GRM7: variants seen among roughly 807,000 people sequenced by gnomAD.
GRM7 encodes metabotropic glutamate receptor 7.
GRM7 carries 35 observed loss-of-function variants against 84.5 expected under a neutral mutation model. The observed-to-expected ratio is 0.41, with a 90% confidence interval of 0.32 to 0.55. GRM7 has a LOEUF of 0.55. Among genes scored for constraint, GRM7 ranks in the 20% least tolerant of loss-of-function variants. The pLI, the probability that GRM7 is intolerant of heterozygous loss-of-function variation, is 0.19. For missense variants in GRM7, 1,003 were observed against 1,194.6 expected (o/e 0.84, Z 2.36); for synonymous variants, 487 against 455.1 (o/e 1.07, Z -0.89).
intron 2 of GRM7, among the ~76,000 whole-genome samples, chr3:7,161,437 A>G (rs1018900968): frequency 7.9e-5 from 12 of 151,708 alleles, no homozygotes; most frequent in East Asian, 1.9e-4. Context: ...AAAAAAAAAA[A>G]AGAGAAATGT....
chr3:7,204,336 T>G (rs1696163364), intron 2 of GRM7, among the ~76,000 whole-genome samples: 1 of 152,220 alleles, frequency 6.6e-6, no homozygotes, highest in Non-Finnish European at 1.5e-5. Context: ...AGACATTCTC[T>G]CTTAGGAGCA....
intron 8 of GRM7, among the ~76,000 whole-genome samples, chr3:7,598,469 G>T (rs908352613): frequency 1.3e-5 from 2 of 152,116 alleles, no homozygotes; most frequent in Non-Finnish European, 2.9e-5. Flanking sequence ...ATTCTCCCCA[G>T]CAAAGATACA....
At position 7,261,902 on chromosome 3, in the gene GRM7, C is replaced by CTCCCTCCCTTCCTCCCTTCCT. The variant is rs1553639169; in HGVS notation, c.737-36773_737-36772insTCCTCCCTTCCTTCCCTCCCT. ...CTGTCAGAATTCCCTCCCTCCCTCC[C>CTCCCTCCCTTCCTCCCTTCCT]TCCCTCCCTCCCTTCCTCCCTTCCT... On this transcript the variant is annotated intron_variant, in intron 2 of 9. Coordinates refer to ENST00000357716, the MANE Select transcript of GRM7 (RefSeq NM_000844.4). Among the ~76,000 whole-genome samples the CTCCCTCCCTTCCTCCCTTCCT allele has an allele frequency of 2.1e-3, 178 of 82,896 alleles. No homozygotes were observed. In the Middle Eastern group the frequency reaches 0.025, roughly 11 times the overall value. 54.4% of individuals were successfully genotyped at this position (82,896 alleles called of 152,430 possible).
intron 1 of GRM7, among the ~76,000 whole-genome samples, chr3:6,941,572 A>G (rs1055184262): frequency 6.6e-6 from 1 of 152,210 alleles, no homozygotes; most frequent in African/African-American, 2.4e-5. Context: ...TAATTCCACT[A>G]TTTGAAGGAT....
intron 7 of GRM7, among the ~76,000 whole-genome samples, chr3:7,527,336 G>A (rs1032478455): frequency 5.9e-5 from 9 of 151,804 alleles, no homozygotes; most frequent in Non-Finnish European, 1.3e-4. Context: ...GAATGTTATT[G>A]GTGTATAGAA....
At chr3:7,043,263 T>G (rs1329209766) in intron 1 of GRM7, among the ~76,000 whole-genome samples, 3 of 152,184 alleles carry the variant, frequency 2.0e-5, no homozygotes, top group Non-Finnish European at 4.4e-5. Flanking sequence ...ATGAAAATCT[T>G]CAGAGTTCTC....
chr3:6,869,339 G>T (rs1426959091), intron 1 of GRM7, among the ~76,000 whole-genome samples: 1 of 152,106 alleles, frequency 6.6e-6, no homozygotes, highest in African/African-American at 2.4e-5. Flanking sequence ...TAATTGCAAG[G>T]ATTGCATGAA....
chr3:7,383,659 C>G (rs1339387177), intron 4 of GRM7, among the ~76,000 whole-genome samples: 1 of 152,214 alleles, frequency 6.6e-6, no homozygotes, highest in East Asian at 1.9e-4. Flanking sequence ...ATTCCACCCC[C>G]GCAACAGTCC....
chr3:6,968,109 G>A (rs1693600173), intron 1 of GRM7, among the ~76,000 whole-genome samples: 1 of 152,216 alleles, frequency 6.6e-6, no homozygotes, highest in South Asian at 2.1e-4. Flanking sequence ...CTGGAGGCCA[G>A]AAGTTCAAAA....
intron 2 of GRM7, among the ~76,000 whole-genome samples, chr3:7,268,874 T>G (rs1698744529): frequency 1.3e-5 from 2 of 152,210 alleles, no homozygotes; most frequent in African/African-American, 4.8e-5. Context: ...TTGGTTTGAT[T>G]TGGTGGACCG....
At chr3:7,409,814 A>C (rs148695947) in intron 4 of GRM7, among the ~76,000 whole-genome samples, 12 of 152,138 alleles carry the variant, frequency 7.9e-5, no homozygotes, top group Non-Finnish European at 1.5e-4. Flanking sequence ...GTTGGCCAGG[A>C]TGGTCTCGAT....
chr3:7,229,720 C>CATATATAT (rs1304811132), intron 2 of GRM7, among the ~76,000 whole-genome samples: 4 of 14,238 alleles, frequency 2.8e-4, no homozygotes, highest in African/African-American at 6.2e-4. Flanking sequence ...TCTCCATAGA[C>CATATATAT]ACACACATAT....
At chr3:7,470,153 A>G (rs1424075770) in intron 7 of GRM7, among the ~76,000 whole-genome samples, 2 of 152,082 alleles carry the variant, frequency 1.3e-5, no homozygotes, top group East Asian at 3.8e-4. Flanking sequence ...CTAGCATTTT[A>G]TTTCATTCAC....
In GRM7 at chr3:7,057,301, C is replaced by T. The variant is rs1697262413; in HGVS notation, c.520-89151C>T. Among the ~76,000 whole-genome samples, 3 of 151,940 alleles carry T rather than the reference C, an allele frequency of 2.0e-5. No homozygotes were observed. The South Asian group carries it at 6.2e-4, about 32-fold the overall frequency. ...ATATTACCTCTGATATCTGTTTACC[C>T]CTGTATTTATACATATCTTTTGTTT... On this transcript the variant is annotated intron_variant, in intron 1 of 9. Coordinates refer to ENST00000357716, the MANE Select transcript of GRM7 (RefSeq NM_000844.4).
At chr3:7,107,986 G>C (rs1345899193) in intron 1 of GRM7, among the ~76,000 whole-genome samples, 1 of 151,998 alleles carries the variant, frequency 6.6e-6, no homozygotes, top group Non-Finnish European at 1.5e-5. Flanking sequence ...GATGGGGAGA[G>C]AGAGCAGCAG....
At chr3:7,196,180 G>A (rs1378500487) in intron 2 of GRM7, among the ~76,000 whole-genome samples, 3 of 152,008 alleles carry the variant, frequency 2.0e-5, no homozygotes, top group African/African-American at 4.8e-5. Flanking sequence ...AAATCTGGAA[G>A]GCTGTCTTCT....
chr3:7,560,525 C>G lies in GRM7; in HGVS notation c.1516-17897C>G, dbSNP rs1693969155. 2.6e-5 allele frequency among the ~76,000 whole-genome samples: 4 copies of G among 151,956 alleles called. No homozygotes were observed. The South Asian group carries it at 8.3e-4, about 31-fold the overall frequency. On this transcript the variant is annotated intron_variant, in intron 7 of 9. Coordinates refer to ENST00000357716, the MANE Select transcript of GRM7 (RefSeq NM_000844.4). ...TGCTATTAAAGTTTGTTCCCCAGAC[C>G]AACAACATTACCTGGGAGCTTGATA...
intron 4 of GRM7, among the ~76,000 whole-genome samples, chr3:7,351,776 T>C (rs1424158962): frequency 2.0e-5 from 3 of 152,008 alleles, no homozygotes; most frequent in African/African-American, 7.2e-5. Flanking sequence ...TGTTGCTTTT[T>C]GGCCTTTGGA....
intron 8 of GRM7, among the ~76,000 whole-genome samples, chr3:7,666,306 G>A (rs1054472589): frequency 2.0e-5 from 3 of 152,164 alleles, no homozygotes; most frequent in Non-Finnish European, 1.5e-5. Context: ...CCTTTCACTG[G>A]AATTAAGTTT....
Sources: allele counts gnomAD v4.1 joint callset (sites outside exome capture counted in the v4.1 genomes callset), GRCh38; gene constraint gnomAD v4.1.1; transcripts MANE v1.5; gene names NCBI Gene and HGNC (gene_info 2026-07-23, HGNC 2026-07-21).